The following ZNF121 variants were observed in gnomAD, a reference collection of about 807,000 sequenced individuals.
The protein encoded by ZNF121 is zinc finger protein 121.
A neutral mutation model predicts 2.4 loss-of-function variants in ZNF121; 1 was observed. The ratio of observed to expected loss-of-function variants is 0.41; its 90% CI spans 0.15 to 1.94. ZNF121 has a LOEUF of 1.94. Among genes scored for constraint, ZNF121 ranks in the 30% most tolerant of loss-of-function variants. The pLI is 0.30. For missense variants in ZNF121, 369 were observed against 466.3 expected (o/e 0.79, Z 1.92); for synonymous variants, 173 against 158.6 (o/e 1.09, Z -0.68).
chr19:9,573,844 T>C (rs1252328987), intron 1 of ZNF121, among the ~76,000 whole-genome samples: 2 of 152,100 alleles, frequency 1.3e-5, no homozygotes, highest in African/African-American at 4.8e-5. Flanking sequence ...GGGAGTAGGA[T>C]GACATTTTCT....
intron 1 of ZNF121, among the ~76,000 whole-genome samples, chr19:9,575,682 G>T (rs1275919692): frequency 6.6e-6 from 1 of 151,926 alleles, no homozygotes; most frequent in Admixed American, 6.6e-5. Flanking sequence ...GATGGAGGTT[G>T]CAGTGAGCTG....
rs2074195548 is a variant in ZNF121, at chr19:9,574,335, TA to T, written c.-159-5254del. On this transcript the variant is annotated intron_variant, in intron 1 of 3. Coordinates refer to ENST00000320451, the MANE Select transcript of ZNF121 (RefSeq NM_001008727.5). ...TCATTTTTTGTATTTTTTGTTTTTT[TA>T]GTAGAGACAGGTTTTCATCGTGTTA... is the stretch of plus-strand genomic sequence containing the variant. Among the ~76,000 whole-genome samples the T allele has an allele frequency of 5.3e-5, 8 of 152,144 alleles. No individual in the cohort carries two copies. In the South Asian group the frequency reaches 1.7e-3, roughly 32 times the overall value.
chr19:9,567,256 A>G, intron 3 of ZNF121, 147 bp from the exon 4 acceptor site: 2 of 685,942 alleles, frequency 2.9e-6, no homozygotes, highest in Non-Finnish European at 4.7e-6. Context: ...TATTTCTTAC[A>G]AGTTGAATGA....
Position 9,560,770 on chromosome 19 carries a change from G to T in ZNF121, c.*5170C>A, listed in dbSNP as rs2074097008. On this transcript the variant is annotated 3_prime_UTR_variant, in exon 4 of 4. Coordinates refer to ENST00000320451, the MANE Select transcript of ZNF121 (RefSeq NM_001008727.5). ...CCTCTTGGCTCTTCTGAATAATGCT[G>T]CAATGAACACAGGTAGGCATTCACA... 2 of 152,312 alleles carry T rather than the reference G, an allele frequency of 1.3e-5. No homozygotes were observed. Among genetic ancestry groups the T allele is most frequent in the South Asian group, 4.1e-4 (2 of 4,828 alleles). The allele number at this position is 152,312 out of a possible 1,614,324, so 9.4% of individuals were successfully genotyped here.
At chr19:9,578,303 A>G (rs2074225849) in intron 1 of ZNF121, among the ~76,000 whole-genome samples, 1 of 152,104 alleles carries the variant, frequency 6.6e-6, no homozygotes, top group Non-Finnish European at 1.5e-5. Flanking sequence ...CTGAGGCAGG[A>G]GAATTCCTTG....
intron 3 of ZNF121, chr19:9,567,618 AATAT>A: frequency 3.2e-6 from 1 of 309,996 alleles, no homozygotes; most frequent in Non-Finnish European, 6.6e-6. Context: ...ATTACATTGT[AATAT>A]ATAATGAAAT....
At chr19:9,567,677 C>A in intron 3 of ZNF121, 1 of 347,834 alleles carries the variant, frequency 2.9e-6, no homozygotes, top group Non-Finnish European at 5.9e-6. Context: ...GAGGCCTGAG[C>A]TTGTTTTCCT....
intron 1 of ZNF121, among the ~76,000 whole-genome samples, chr19:9,583,628 C>G (rs994094176): frequency 2.0e-5 from 3 of 151,862 alleles, no homozygotes; most frequent in Admixed American, 6.6e-5. Flanking sequence ...CTCAGCCTCC[C>G]GAGTAGCTGG....
In ZNF121 at chr19:9,567,950, G is replaced by A. The variant is rs1030033202; in HGVS notation, c.3+145C>T. The A allele has an allele frequency of 1.8e-4, 158 of 860,870 alleles. No individual in the cohort carries two copies. The Admixed American group carries it at 4.3e-3, about 23-fold the overall frequency. The allele number at this position is 860,870 out of a possible 1,614,324, so 53.3% of individuals were successfully genotyped here. The stretch of plus-strand genomic sequence containing the variant: ...CCAGTTCCTAACACTAACAGAAACA[G>A]TACCAGTGGGGACCCTTGCTCTAGA... On this transcript the variant is annotated intron_variant, in intron 3 of 3. Transcript: ENST00000320451.
chr19:9,581,136 T>C (rs553989323), intron 1 of ZNF121, among the ~76,000 whole-genome samples: 3 of 152,048 alleles, frequency 2.0e-5, no homozygotes, highest in Non-Finnish European at 4.4e-5. Context: ...TCTAAGAGAA[T>C]GAGTGTTAGG....
chr19:9,566,889 G>A lies in ZNF121; in HGVS notation c.224C>T (p.Pro75Leu), dbSNP rs1568497968. 6.2e-7 allele frequency: 1 copy of A among 1,614,166 alleles called. No individual in the cohort carries two copies. Among genetic ancestry groups the A allele is most frequent in the Non-Finnish European group, 8.5e-7 (1 of 1,180,022 alleles). The change falls in exon 4 of 4, where the codon CCA becomes CTA. Residue 75 changes from proline to leucine, a missense_variant. By Grantham distance (98) the Pro-to-Leu change is moderately conservative. Coordinates refer to ENST00000320451, the MANE Select transcript of ZNF121 (RefSeq NM_001008727.5). ...NQCRKAFSLP[P>L]NVHQRTWIGD... Reference sequence around the variant, plus strand: ...TATCCACGTTCTCTGGTGAACATTTGGTGGCAGGCTGAAGGCTTTTCTGCA... The same window carrying A: ...TATCCACGTTCTCTGGTGAACATTTAGTGGCAGGCTGAAGGCTTTTCTGCA...
At position 9,562,453 on chromosome 19, in the gene ZNF121, C is replaced by A. The variant is rs189904365; in HGVS notation, c.*3487G>T. ...TGCTGGGATTACAGGTGTGAGCCAC[C>A]GTGCCCGGCTGCTCTGTGATCTTTG... On this transcript the variant is annotated 3_prime_UTR_variant, in exon 4 of 4. Transcript: ENST00000320451. 23 of 276,254 alleles carry A rather than the reference C, an allele frequency of 8.3e-5. No homozygotes were observed. The highest frequency in any genetic ancestry group is 6.6e-4 in the South Asian group (23 of 34,816). 17.1% of individuals were successfully genotyped at this position (276,254 alleles called of 1,614,324 possible). A position where few individuals can be genotyped will look rare whatever the true frequency, so the allele number is the denominator to read the frequency against.
rs535872585 is a variant in ZNF121 at position 9,563,001 on chromosome 19, T to A, written c.*2939A>T. The A allele has an allele frequency of 1.5e-5, 2 of 134,168 alleles. No homozygotes were observed. The highest frequency in any genetic ancestry group is 1.7e-4 in the Admixed American group (2 of 11,820). The allele number at this position is 134,168 out of a possible 1,614,324, so 8.3% of individuals were successfully genotyped here. A position where few individuals can be genotyped will look rare whatever the true frequency, so the allele number is the denominator to read the frequency against. On this transcript the variant is annotated 3_prime_UTR_variant, in exon 4 of 4. Coordinates refer to ENST00000320451, the MANE Select transcript of ZNF121 (RefSeq NM_001008727.5). ...GGAACCCGTAAGTTTGAGGCTGCAATGGGCTATAACTGTACTACACTCCAG... is the reference window on the plus strand; with the variant it reads ...GGAACCCGTAAGTTTGAGGCTGCAAAGGGCTATAACTGTACTACACTCCAG...
intron 1 of ZNF121, among the ~76,000 whole-genome samples, chr19:9,574,992 G>A (rs2074200231): frequency 1.3e-5 from 2 of 152,144 alleles, no homozygotes. Context: ...TGCCCAGGCT[G>A]GTCTCAAAGT....
At position 9,562,510 on chromosome 19, in the gene ZNF121, C is replaced by A; in HGVS notation, c.*3430G>T. 1 of 192,486 alleles carries A rather than the reference C, an allele frequency of 5.2e-6. No individual in the cohort carries two copies. 11.9% of individuals were successfully genotyped at this position (192,486 alleles called of 1,614,324 possible). On this transcript the variant is annotated 3_prime_UTR_variant, in exon 4 of 4. Transcript: ENST00000320451. The stretch of plus-strand genomic sequence containing the variant: ...CTATTTTAATTGTTTTGGGGTACCA[C>A]AAACCACAACCTTCGAAGACAGCAA...
At chr19:9,577,837 A>G (rs747887140) in intron 1 of ZNF121, among the ~76,000 whole-genome samples, 5 of 152,076 alleles carry the variant, frequency 3.3e-5, no homozygotes, top group African/African-American at 9.7e-5. Context: ...TCATTAGGTC[A>G]GGAGTTCAAG....
chr19:9,568,451 C>T (rs1410222152), intron 2 of ZNF121, among the ~76,000 whole-genome samples: 3 of 151,938 alleles, frequency 2.0e-5, no homozygotes, highest in Admixed American at 6.6e-5. Flanking sequence ...TCTCGGCTCA[C>T]TGCAACCTCC....
rs780999204 is a variant in ZNF121 at position 9,560,967 on chromosome 19, T to C, written c.*4973A>G. 1.3e-5 allele frequency: 2 copies of C among 152,222 alleles called. No individual in the cohort carries two copies. Among genetic ancestry groups the C allele is most frequent in the Non-Finnish European group, 2.9e-5 (2 of 68,034 alleles). The allele number at this position is 152,222 out of a possible 1,614,324, so 9.4% of individuals were successfully genotyped here. Reference sequence around the variant, plus strand: ...TTTTTAAAAAGAGTGGTATGAGTTATCAATTCTGAGAGTAGCTTATATTTT... The same window carrying C: ...TTTTTAAAAAGAGTGGTATGAGTTACCAATTCTGAGAGTAGCTTATATTTT... On this transcript the variant is annotated 3_prime_UTR_variant, in exon 4 of 4. Coordinates refer to ENST00000320451, the MANE Select transcript of ZNF121 (RefSeq NM_001008727.5).
rs746222627 is a variant in ZNF121, at chr19:9,565,966, G to C, written c.1147C>G (p.Leu383Val). Residue 383 changes from leucine to valine, a missense_variant, in exon 4 of 4, where the codon CTT (leucine) becomes GTT (valine). This residue lies in a region of ZNF121 where 127 missense variants were observed against 169.9 expected (regional missense o/e 0.75). Transcript: ENST00000320451. ...CGKAYNRFYLLTKHLKTH is the reference protein window; with the variant it reads ...CGKAYNRFYLVTKHLKTH ...CAGTGTGTTTTTAAATGTTTAGTAA[G>C]TAAATAAAATCTATTGTAGGCTTTC... The C allele has an allele frequency of 1.3e-6, 2 of 1,572,568 alleles. No homozygotes were observed. The highest frequency in any genetic ancestry group is 1.7e-6 in the Non-Finnish European group (2 of 1,160,728).
Sources: allele counts gnomAD v4.1 joint callset (sites outside exome capture counted in the v4.1 genomes callset), GRCh38; gene constraint gnomAD v4.1.1; regional missense constraint gnomAD v4.1.1; transcripts MANE v1.5; gene names NCBI Gene and HGNC (gene_info 2026-07-23, HGNC 2026-07-21).